DAB2IP: variants seen among roughly 807,000 people sequenced by gnomAD.
The protein encoded by DAB2IP is DAB2 interacting protein, also known as disabled homolog 2-interacting protein.
Under a neutral mutation model 107.2 loss-of-function variants are expected in DAB2IP, and 28 were observed. The observed-to-expected ratio is 0.26, with a 90% confidence interval of 0.19 to 0.36. The LOEUF (loss-of-function observed/expected upper bound fraction) is 0.36. DAB2IP is among the 10% of genes least tolerant of loss of function. DAB2IP has a pLI of 1.00. For missense variants in DAB2IP, 1,400 were observed against 1,644.7 expected (o/e 0.85, Z 2.57); for synonymous variants, 755 against 706.4 (o/e 1.07, Z -1.09).
chr9:121,769,382 C>T (rs1053442300), intron 10 of DAB2IP, among the ~76,000 whole-genome samples: 2 of 152,214 alleles, frequency 1.3e-5, no homozygotes, highest in South Asian at 4.1e-4. Context: ...CAGGCGCACA[C>T]ACATAGAGCT....
intron 13 of DAB2IP, among the ~76,000 whole-genome samples, chr9:121,775,531 T>C (rs1233903434): frequency 1.3e-5 from 2 of 152,192 alleles, no homozygotes; most frequent in African/African-American, 2.4e-5. Flanking sequence ...GCGTTGGCCT[T>C]TCCTCGCTCA....
chr9:121,568,604 C>T (rs1006954143), intron 1 of DAB2IP, among the ~76,000 whole-genome samples: 14 of 152,190 alleles, frequency 9.2e-5, no homozygotes, highest in African/African-American at 2.7e-4. Context: ...CAGAGTGATG[C>T]GGTCCTTGGG....
At chr9:121,642,000 TCTCTCTCTC>T (rs1564128635) in intron 1 of DAB2IP, among the ~76,000 whole-genome samples, 41 of 18,302 alleles carry the variant, frequency 2.2e-3, no homozygotes, top group African/African-American at 9.9e-3. Flanking sequence ...TTCCTTTCTC[TCTCTCTCTC>T]TCTCTCTCTC....
rs141514227 is a variant in DAB2IP, at chr9:121,736,394, CCCTGCT to C, written c.363-20616_363-20611del. ...AGTTGCAAGGCAGAGACCCCCGAAC[CCCTGCT>C]CCAGGGCCTGCGCGTCCCGCCCGCC... On this transcript the variant is annotated intron_variant, in intron 3 of 15. Coordinates refer to ENST00000408936, the Ensembl canonical transcript of DAB2IP. This position sits in a 1 kb window ranked among gnomAD's most constrained non-coding sequence, Gnocchi z 4.6. Among the ~76,000 whole-genome samples, 3,635 of 152,314 alleles carry C rather than the reference CCCTGCT, an allele frequency of 0.024. 156 individuals carry two copies. The highest frequency in any genetic ancestry group is 0.083 in the African/African-American group (3,443 of 41,548).
intron 2 of DAB2IP, among the ~76,000 whole-genome samples, chr9:121,679,032 G>A (rs1417257481): frequency 6.6e-6 from 1 of 152,204 alleles, no homozygotes; most frequent in Admixed American, 6.5e-5. Flanking sequence ...AGCACCGAAG[G>A]CTATGGGGCC....
rs1830605576 is a variant in DAB2IP at position 121,599,184 on chromosome 9, G to C, written c.40+31956G>C. On this transcript the variant is annotated intron_variant, in intron 1 of 16. Transcript: ENST00000259371. This position sits in a 1 kb window ranked among gnomAD's most constrained non-coding sequence, Gnocchi z 6.9. ...GTGGAAGAGGGATAAGTAAAGCAAA[G>C]TCGCGGCCCACTCCTCGGTCCCGTA... Among the ~76,000 whole-genome samples the C allele has an allele frequency of 6.6e-6, 1 of 152,164 alleles. No individual in the cohort carries two copies. The highest frequency in any genetic ancestry group is 2.1e-4 in the South Asian group (1 of 4,830).
chr9:121,629,878 C>T lies in DAB2IP; in HGVS notation c.41-48800C>T, dbSNP rs553474564. ...CCTCTTTTCCCTCAAACCCCCGCCT[C>T]TCAGCCAGGGCTTCTTAACCAGGGC... On this transcript the variant is annotated intron_variant, in intron 1 of 16. Coordinates refer to the DAB2IP transcript ENST00000259371. Among the ~76,000 whole-genome samples the T allele has an allele frequency of 1.1e-3, 169 of 152,326 alleles. 1 individual carries two copies. The highest frequency in any genetic ancestry group is 4.0e-3 in the African/African-American group (165 of 41,582).
At chr9:121,583,462 G>A (rs923121137) in intron 1 of DAB2IP, among the ~76,000 whole-genome samples, 9 of 152,160 alleles carry the variant, frequency 5.9e-5, no homozygotes, top group African/African-American at 2.2e-4. Context: ...GGAGGAGCCG[G>A]CTCTTCTGGC....
At chr9:121,639,807 G>A (rs755550560) in intron 1 of DAB2IP, among the ~76,000 whole-genome samples, 5 of 152,202 alleles carry the variant, frequency 3.3e-5, no homozygotes, top group Admixed American at 6.5e-5. Context: ...GAGAGCAACA[G>A]GTGGGCGAGT....
chr9:121,644,434 T>A (rs1490264751), intron 1 of DAB2IP, among the ~76,000 whole-genome samples: 1 of 150,762 alleles, frequency 6.6e-6, no homozygotes, highest in Non-Finnish European at 1.5e-5. Flanking sequence ...CCGTCTCTAC[T>A]AAAAATACAA....
At chr9:121,704,340 A>G (rs986107622) in intron 3 of DAB2IP, among the ~76,000 whole-genome samples, 1 of 152,226 alleles carries the variant, frequency 6.6e-6, no homozygotes, top group East Asian at 1.9e-4. Context: ...ATTGGATGTC[A>G]TCATTAAAGC....
intron 3 of DAB2IP, among the ~76,000 whole-genome samples, chr9:121,738,610 G>A (rs966380230): frequency 4.7e-4 from 71 of 152,270 alleles, no homozygotes; most frequent in African/African-American, 1.7e-3. Context: ...GCAGTTAAAC[G>A]AAACTGCCAC....
At position 121,579,836 on chromosome 9, in the gene DAB2IP, C is replaced by T. The variant is rs532648906; in HGVS notation, c.40+12608C>T. On this transcript the variant is annotated intron_variant, in intron 1 of 16. Transcript: ENST00000259371. ...TCAAAGTACTTTGCAAGCTATAAAG[C>T]GCTCCTCCAATCAATGCCACACACA... Among the ~76,000 whole-genome samples the T allele has an allele frequency of 3.3e-5, 5 of 152,312 alleles. No homozygotes were observed. In the South Asian group the frequency reaches 8.3e-4, roughly 25 times the overall value.
intron 1 of DAB2IP, chr9:121,567,331 G>T: frequency 6.5e-7 from 1 of 1,546,466 alleles, no homozygotes; most frequent in African/African-American, 1.4e-5. Flanking sequence ...GAGGCAGTCA[G>T]GCATCTGGGC....
intron 1 of DAB2IP, among the ~76,000 whole-genome samples, chr9:121,577,959 G>A (rs961727662): frequency 6.6e-6 from 1 of 152,078 alleles, no homozygotes; most frequent in African/African-American, 2.4e-5. Context: ...TCCAGGCGGG[G>A]GTAGAGGTGG....
At position 121,599,497 on chromosome 9, in the gene DAB2IP, A is replaced by G. The variant is rs989862418; in HGVS notation, c.40+32269A>G. 3.4e-3 allele frequency among the ~76,000 whole-genome samples: 521 copies of G among 151,826 alleles called. 1 individual carries two copies. Among genetic ancestry groups the G allele is most frequent in the African/African-American group, 0.012 (501 of 41,458 alleles). On this transcript the variant is annotated intron_variant, in intron 1 of 16. Coordinates refer to the DAB2IP transcript ENST00000259371. The surrounding 1 kb of genome is among the most constrained non-coding windows in gnomAD (Gnocchi z 6.9). Reference sequence around the variant, plus strand: ...GTGGGCGGCTGGGCCTGCGATTGGCAGGGCTGGGCAGGCCGGGTGGCCGCG... The same window carrying G: ...GTGGGCGGCTGGGCCTGCGATTGGCGGGGCTGGGCAGGCCGGGTGGCCGCG...
At chr9:121,740,309 C>T (rs1156849935) in intron 3 of DAB2IP, among the ~76,000 whole-genome samples, 2 of 152,220 alleles carry the variant, frequency 1.3e-5, no homozygotes. Flanking sequence ...CACCCACTCT[C>T]TGGAAGGCTT....
intron 14 of DAB2IP, among the ~76,000 whole-genome samples, chr9:121,777,122 C>G (rs1712608076): frequency 6.6e-6 from 1 of 152,096 alleles, no homozygotes; most frequent in Admixed American, 6.5e-5. Context: ...ACAATCAACC[C>G]CAGGGTCCCA....
chr9:121,589,102 G>A lies in DAB2IP; in HGVS notation c.40+21874G>A, dbSNP rs374258423. The stretch of plus-strand genomic sequence containing the variant: ...CAGATTTTTGTAAAACTCAAGAGTT[G>A]GCTCTGTCCCACCCCCGGCGTGATA... On this transcript the variant is annotated intron_variant, in intron 1 of 16. Transcript: ENST00000259371. 3.9e-5 allele frequency among the ~76,000 whole-genome samples: 6 copies of A among 151,980 alleles called. No individual in the cohort carries two copies. The East Asian group carries it at 5.8e-4, about 15-fold the overall frequency.
Sources: gnomAD v4.1 joint callset for allele counts (sites outside exome capture counted in the v4.1 genomes callset) on GRCh38, gnomAD v4.1.1 for gene constraint, Gnocchi (gnomAD v3.1) non-coding constraint, MANE v1.5 for transcripts, NCBI Gene and HGNC (gene_info 2026-07-23, HGNC 2026-07-21) for gene names.